EXOC6B: variants seen among roughly 807,000 people sequenced by gnomAD.
EXOC6B encodes the protein SEC15 homolog B.
A neutral mutation model predicts 113.5 loss-of-function variants in EXOC6B; 54 were observed. The observed-to-expected ratio is 0.48, with a 90% CI of 0.38 to 0.60. The LOEUF is 0.60. Among genes scored for constraint, EXOC6B ranks in the 20% least tolerant of loss-of-function variants. The pLI is 0.00. For missense variants in EXOC6B, 797 were observed against 977.5 expected (o/e 0.82, Z 2.46); for synonymous variants, 357 against 339.0 (o/e 1.05, Z -0.58).
At chr2:72,179,522 C>G in intron 21 of EXOC6B, 61 bp from the exon 22 acceptor site, 1 of 1,602,646 alleles carries the variant, frequency 6.2e-7, no homozygotes. Context: ...GGAAGGAGAA[C>G]CTGCAGGAAG....
intron 6 of EXOC6B, among the ~76,000 whole-genome samples, chr2:72,663,605 A>G (rs966060014): frequency 1.4e-4 from 22 of 152,296 alleles, no homozygotes; most frequent in African/African-American, 5.3e-4. Context: ...TTACAAAGAA[A>G]TTTAAAGCTG....
intron 6 of EXOC6B, among the ~76,000 whole-genome samples, chr2:72,700,285 T>C (rs1678222855): frequency 8.6e-6 from 1 of 116,572 alleles, no homozygotes; most frequent in African/African-American, 4.8e-5. Flanking sequence ...GTTATCCGTG[T>C]CAACCACCAG....
intron 20 of EXOC6B, among the ~76,000 whole-genome samples, chr2:72,321,093 T>A (rs1363632680): frequency 1.3e-5 from 2 of 152,200 alleles, no homozygotes; most frequent in Non-Finnish European, 2.9e-5. Context: ...ACTAGCAATG[T>A]GCAGAGCAAC....
chr2:72,301,095 T>A lies in EXOC6B; in HGVS notation c.2196+33852A>T, dbSNP rs184982437. ...CAAAAGCCTTTACTGCATCTCTTGA[T>A]ATAATCATGTGATTTTTTGCCTTTA... On this transcript the variant is annotated intron_variant, in intron 20 of 21. Transcript: ENST00000272427. Among the ~76,000 whole-genome samples the A allele has an allele frequency of 1.9e-3, 270 of 139,464 alleles. 2 individuals are homozygous for A. Among genetic ancestry groups the A allele is most frequent in the Middle Eastern group, 0.01 (3 of 290 alleles). 91.5% of individuals were successfully genotyped at this position (139,464 alleles called of 152,430 possible).
At chr2:72,695,025 A>G (rs75799441) in intron 6 of EXOC6B, among the ~76,000 whole-genome samples, 3,467 of 152,310 alleles carry the variant, frequency 0.023, 66 homozygotes, top group Non-Finnish European at 0.034. Flanking sequence ...TCCACAAGCA[A>G]TTATCTTTCA....
At position 72,198,168 on chromosome 2, in the gene EXOC6B, T is replaced by TG. The variant is rs762101244; in HGVS notation, c.2197-13982_2197-13981insC. Among the ~76,000 whole-genome samples the TG allele has an allele frequency of 2.9e-4, 44 of 152,242 alleles. No individual in the cohort carries two copies. In the Middle Eastern group the frequency reaches 0.017, roughly 59 times the overall value. On this transcript the variant is annotated intron_variant, in intron 20 of 21. Transcript: ENST00000272427. ...TAGGGCCAATATGAAAAGAAACATA[T>TG]TTCAGGTTCAAGCCAGTGTTGTCAA...
At chr2:72,251,756 T>A (rs1039773326) in intron 20 of EXOC6B, among the ~76,000 whole-genome samples, 3 of 152,354 alleles carry the variant, frequency 2.0e-5, no homozygotes, top group African/African-American at 7.2e-5. Context: ...TTTGGAACTT[T>A]ATCCATTATG....
intron 18 of EXOC6B, among the ~76,000 whole-genome samples, chr2:72,456,494 C>A (rs1048026346): frequency 1.3e-5 from 2 of 152,128 alleles, no homozygotes; most frequent in African/African-American, 4.8e-5. Context: ...AGGACAAGGT[C>A]TTTATCCACA....
At chr2:72,497,578 C>T (rs964051979) in intron 13 of EXOC6B, among the ~76,000 whole-genome samples, 2 of 151,980 alleles carry the variant, frequency 1.3e-5, no homozygotes, top group African/African-American at 4.8e-5. Flanking sequence ...CCCTTAAATA[C>T]AATTATACCA....
intron 6 of EXOC6B, among the ~76,000 whole-genome samples, chr2:72,663,153 A>G (rs895591926): frequency 2.0e-5 from 3 of 152,250 alleles, no homozygotes; most frequent in African/African-American, 7.2e-5. Flanking sequence ...AATTCTATAA[A>G]CAACTTGTAA....
In EXOC6B at chr2:72,474,049, GT is replaced by G. The variant is rs537765320; in HGVS notation, c.1800+6566del. Among the ~76,000 whole-genome samples the G allele has an allele frequency of 1.8e-3, 257 of 144,874 alleles. 1 individual carries two copies. The East Asian group carries it at 0.031, about 17-fold the overall frequency. On this transcript the variant is annotated intron_variant, in intron 17 of 21. Transcript: ENST00000272427. Reference sequence around the variant, plus strand: ...TGGATATAGTATGTTTGCCCAACATGTTTTTTTTTTTTCTTGTTTCAGCTCT... The same window carrying G: ...TGGATATAGTATGTTTGCCCAACATGTTTTTTTTTTTCTTGTTTCAGCTCT...
At chr2:72,186,403 G>C (rs1558994602) in intron 20 of EXOC6B, among the ~76,000 whole-genome samples, 1 of 152,124 alleles carries the variant, frequency 6.6e-6, no homozygotes, top group African/African-American at 2.4e-5. Flanking sequence ...GACCACGACA[G>C]GTACTGAGAG....
chr2:72,540,501 T>C (rs1390450865), intron 8 of EXOC6B, among the ~76,000 whole-genome samples: 1 of 152,326 alleles, frequency 6.6e-6, no homozygotes, highest in African/African-American at 2.4e-5. Context: ...ATCATATCTA[T>C]TTATTCCTAA....
intron 18 of EXOC6B, among the ~76,000 whole-genome samples, chr2:72,436,699 G>A (rs1482618021): frequency 1.3e-5 from 2 of 151,924 alleles, no homozygotes; most frequent in African/African-American, 4.8e-5. Context: ...TTCGGCTAAT[G>A]ATTCTTGTGT....
chr2:72,389,071 G>T (rs558028282), intron 18 of EXOC6B, among the ~76,000 whole-genome samples: 21 of 151,984 alleles, frequency 1.4e-4, no homozygotes, highest in Admixed American at 1.4e-3. Flanking sequence ...TTCACAGTAC[G>T]ATTGGATTTA....
intron 20 of EXOC6B, among the ~76,000 whole-genome samples, chr2:72,279,150 A>G (rs548392435): frequency 1.3e-5 from 2 of 152,260 alleles, no homozygotes; most frequent in South Asian, 2.1e-4. Context: ...TCCCTTCACT[A>G]TCTCTTCCTT....
chr2:72,206,588 C>G (rs901155644), intron 20 of EXOC6B, among the ~76,000 whole-genome samples: 2 of 152,114 alleles, frequency 1.3e-5, no homozygotes, highest in Non-Finnish European at 2.9e-5. Flanking sequence ...TGTTGATATA[C>G]AGAGAAACCC....
At chr2:72,293,215 T>A (rs562184976) in intron 20 of EXOC6B, among the ~76,000 whole-genome samples, 2 of 152,276 alleles carry the variant, frequency 1.3e-5, no homozygotes, top group African/African-American at 4.8e-5. Flanking sequence ...TATTAATTGC[T>A]GTTCATTGAG....
intron 20 of EXOC6B, among the ~76,000 whole-genome samples, chr2:72,185,930 C>T (rs570107466): frequency 1.5e-5 from 2 of 137,538 alleles, no homozygotes; most frequent in South Asian, 2.3e-4. Flanking sequence ...GTGTGATGTT[C>T]CCCTTCCTGT....
Sources: gnomAD v4.1 joint callset for allele counts (sites outside exome capture counted in the v4.1 genomes callset) on GRCh38, gnomAD v4.1.1 for gene constraint, MANE v1.5 for transcripts, NCBI Gene and HGNC (gene_info 2026-07-23, HGNC 2026-07-21) for gene names.